NCALD: variants seen among roughly 807,000 people sequenced by gnomAD.
The protein encoded by NCALD is neurocalcin-delta.
Under a neutral mutation model 18.6 loss-of-function variants are expected in NCALD, and 10 were observed. The ratio of observed to expected loss-of-function variants is 0.54; its 90% CI spans 0.33 to 0.91. NCALD has a LOEUF of 0.91. Among genes scored for constraint, NCALD ranks in the 40% least tolerant of loss-of-function variants. The pLI is 0.03. For synonymous variants in NCALD, 88 were observed against 87.4 expected (o/e 1.01, Z -0.04); for missense variants, 184 against 247.6 (o/e 0.74, Z 1.72).
chr8:101,872,217 C>G (rs1731509524), intron 4 of NCALD: 2 of 1,512,526 alleles, frequency 1.3e-6, no homozygotes, highest in African/African-American at 2.8e-5. Flanking sequence ...CCCACAAGCC[C>G]TCACTGGCTT....
chr8:102,060,569 T>C, intron 1 of NCALD, among the ~76,000 whole-genome samples: 1 of 152,222 alleles, frequency 6.6e-6, no homozygotes, highest in East Asian at 1.9e-4. Context: ...TTATTCCTTT[T>C]CCATTGACAA....
chr8:102,107,240 A>ATATATG (rs2132437551), intron 1 of NCALD, among the ~76,000 whole-genome samples: 1 of 113,202 alleles, frequency 8.8e-6, no homozygotes, highest in Admixed American at 8.8e-5. Flanking sequence ...ATATATATAT[A>ATATATG]CACATAGAAA....
At chr8:101,989,468 C>T (rs1276142142) in intron 2 of NCALD, among the ~76,000 whole-genome samples, 1 of 152,164 alleles carries the variant, frequency 6.6e-6, no homozygotes, top group Non-Finnish European at 1.5e-5. Context: ...AACCAACCAA[C>T]CAAATTAGAG....
At chr8:101,732,203 A>C (rs1816863975) in intron 1 of NCALD, among the ~76,000 whole-genome samples, 1 of 152,222 alleles carries the variant, frequency 6.6e-6, no homozygotes, top group African/African-American at 2.4e-5. Context: ...ATATTATCTT[A>C]CTTAAAACTC....
At chr8:101,989,524 G>A (rs1820962414) in intron 2 of NCALD, among the ~76,000 whole-genome samples, 1 of 152,216 alleles carries the variant, frequency 6.6e-6, no homozygotes, top group Non-Finnish European at 1.5e-5. Context: ...AAATTATAAT[G>A]TGGCAACTTG....
intron 3 of NCALD, among the ~76,000 whole-genome samples, chr8:101,910,475 T>C (rs1412152566): frequency 1.3e-5 from 2 of 152,126 alleles, no homozygotes; most frequent in African/African-American, 2.4e-5. Flanking sequence ...AGTTGGTGAA[T>C]GTCTGTCTTC....
chr8:101,827,019 C>A (rs1186974420), intron 4 of NCALD, among the ~76,000 whole-genome samples: 1 of 152,138 alleles, frequency 6.6e-6, no homozygotes, highest in Non-Finnish European at 1.5e-5. Flanking sequence ...CTGAAAACAA[C>A]AAAAATTTAT....
At chr8:102,027,530 A>G (rs1046530288) in intron 1 of NCALD, among the ~76,000 whole-genome samples, 1 of 152,200 alleles carries the variant, frequency 6.6e-6, no homozygotes, top group African/African-American at 2.4e-5. Context: ...AAGCCATTCA[A>G]CAAGTCTCTA....
chr8:101,918,378 T>C (rs1818044997), intron 2 of NCALD, among the ~76,000 whole-genome samples: 1 of 152,134 alleles, frequency 6.6e-6, no homozygotes, highest in Non-Finnish European at 1.5e-5. Context: ...AATATCATAC[T>C]GAAGGGGCAA....
At chr8:101,920,351 T>G (rs1369014726) in intron 2 of NCALD, among the ~76,000 whole-genome samples, 1 of 152,168 alleles carries the variant, frequency 6.6e-6, no homozygotes, top group East Asian at 1.9e-4. Context: ...AGAACTACCA[T>G]TTTACCTAGC....
intron 1 of NCALD, among the ~76,000 whole-genome samples, chr8:101,780,971 T>C (rs928386543): frequency 6.6e-6 from 1 of 152,202 alleles, no homozygotes; most frequent in African/African-American, 2.4e-5. Context: ...CTATAATCCG[T>C]AGGCTGTTTT....
chr8:102,074,687 TC>T (rs1296882155), intron 1 of NCALD, among the ~76,000 whole-genome samples: 1 of 152,190 alleles, frequency 6.6e-6, no homozygotes, highest in Non-Finnish European at 1.5e-5. Flanking sequence ...ATCCTCCACC[TC>T]TTCCTGTGGG....
chr8:101,889,789 T>C (rs183007368), intron 3 of NCALD, among the ~76,000 whole-genome samples: 247 of 152,290 alleles, frequency 1.6e-3, no homozygotes, highest in African/African-American at 5.5e-3. Flanking sequence ...CACCTGGCTA[T>C]TACAAGATAA....
At chr8:101,753,527 C>A (rs1286012143) in intron 1 of NCALD, among the ~76,000 whole-genome samples, 2 of 152,174 alleles carry the variant, frequency 1.3e-5, no homozygotes, top group Admixed American at 6.5e-5. Flanking sequence ...GATCCCCAGT[C>A]CCCAGAGAAT....
At chr8:101,789,960 T>C (rs1394211293) in intron 1 of NCALD, among the ~76,000 whole-genome samples, 3 of 152,240 alleles carry the variant, frequency 2.0e-5, no homozygotes, top group Non-Finnish European at 4.4e-5. Flanking sequence ...ATCACAGTTA[T>C]CAAATTATTC....
intron 4 of NCALD, among the ~76,000 whole-genome samples, chr8:101,804,029 G>A (rs1437131070): frequency 6.6e-6 from 1 of 152,024 alleles, no homozygotes; most frequent in South Asian, 2.1e-4. Flanking sequence ...CCAACCTTCA[G>A]CAATCGCCAG....
chr8:102,118,446 G>A (rs908348783), intron 1 of NCALD, among the ~76,000 whole-genome samples: 27 of 152,274 alleles, frequency 1.8e-4, no homozygotes, highest in African/African-American at 6.3e-4. Flanking sequence ...CAGTTCATCC[G>A]CCTCCTTATG....
intron 2 of NCALD, among the ~76,000 whole-genome samples, chr8:101,980,559 C>A (rs1278939420): frequency 6.6e-6 from 1 of 152,010 alleles, no homozygotes; most frequent in African/African-American, 2.4e-5. Flanking sequence ...TGAGGAATAG[C>A]CAAAAGGACT....
chr8:101,797,675 G>A (rs1276903893), intron 4 of NCALD, among the ~76,000 whole-genome samples: 1 of 152,032 alleles, frequency 6.6e-6, no homozygotes, highest in Non-Finnish European at 1.5e-5. Flanking sequence ...AATTAGCTGG[G>A]TGTGGTGGCC....
Sources: gnomAD v4.1 joint callset for allele counts (sites outside exome capture counted in the v4.1 genomes callset) on GRCh38, gnomAD v4.1.1 for gene constraint, MANE v1.5 for transcripts, NCBI Gene and HGNC (gene_info 2026-07-23, HGNC 2026-07-21) for gene names.